The following ARFIP1 variants were observed in gnomAD, a reference collection of about 807,000 sequenced individuals.
The protein encoded by ARFIP1 is ARF interacting protein 1, also known as arfaptin-1.
In ARFIP1, 24 loss-of-function variants were observed where a neutral mutation model predicts 42.5. The observed-to-expected ratio is 0.57, with a 90% CI of 0.41 to 0.80. ARFIP1 has a LOEUF of 0.80. ARFIP1 is among the 30% of genes least tolerant of loss of function. The pLI is 0.00. For synonymous variants in ARFIP1, 141 were observed against 153.7 expected (o/e 0.92, Z 0.61); for missense variants, 354 against 434.0 (o/e 0.82, Z 1.64).
At position 152,846,011 on chromosome 4, in the gene ARFIP1, C is replaced by T. The variant is rs115907313; in HGVS notation, c.93+16285C>T. Among the ~76,000 whole-genome samples the T allele has an allele frequency of 3.5e-3, 531 of 152,224 alleles. 4 individuals carry two copies. Among genetic ancestry groups the T allele is most frequent in the Admixed American group, 6.6e-3 (101 of 15,300 alleles). Reference sequence around the variant, plus strand: ...TATACATCATTAAATACTGTGCAGCCATAAAAAAGAACAACATTATGTCTT... The same window carrying T: ...TATACATCATTAAATACTGTGCAGCTATAAAAAAGAACAACATTATGTCTT... On this transcript the variant is annotated intron_variant, in intron 2 of 8. Coordinates refer to ENST00000353617, the MANE Select transcript of ARFIP1 (RefSeq NM_001025595.3).
intron 2 of ARFIP1, among the ~76,000 whole-genome samples, chr4:152,859,606 C>G (rs1486221569): frequency 6.6e-6 from 1 of 152,088 alleles, no homozygotes; most frequent in Non-Finnish European, 1.5e-5. Flanking sequence ...GAAAACATTC[C>G]TATCCCTACT....
rs565867958 is a variant in ARFIP1 at position 152,879,176 on chromosome 4, CTT to C, written c.412-1784_412-1783del. On this transcript the variant is annotated intron_variant, in intron 5 of 8. Transcript: ENST00000353617. ...TTCTCTACTTTTAAAAAATAACACT[CTT>C]TTGTTAAAAAAAAAAAAAGTTTATA... Among the ~76,000 whole-genome samples, 385 of 149,514 alleles carry C rather than the reference CTT, an allele frequency of 2.6e-3. 1 individual carries two copies. The highest frequency in any genetic ancestry group is 9.1e-3 in the African/African-American group (370 of 40,458).
Position 152,851,909 on chromosome 4 carries a change from T to C in ARFIP1, c.94-11697T>C, listed in dbSNP as rs1329848482. Among the ~76,000 whole-genome samples, 3 of 152,348 alleles carry C rather than the reference T, an allele frequency of 2.0e-5. No individual in the cohort carries two copies. In the East Asian group the frequency reaches 5.8e-4, roughly 29 times the overall value. ...TATTAAAATATGCAAAATGGAGACG[T>C]TATTTTTCACAGCTTTATGAAAGCT... On this transcript the variant is annotated intron_variant, in intron 2 of 8. Transcript: ENST00000353617.
At chr4:152,861,633 T>G (rs2149875042) in intron 2 of ARFIP1, among the ~76,000 whole-genome samples, 1 of 152,320 alleles carries the variant, frequency 6.6e-6, no homozygotes, top group South Asian at 2.1e-4. Flanking sequence ...TCCTACAATA[T>G]TTTTACTTCA....
chr4:152,797,050 A>G (rs950298623), intron 1 of ARFIP1, among the ~76,000 whole-genome samples: 1 of 152,154 alleles, frequency 6.6e-6, no homozygotes. Flanking sequence ...TCCTTTCCCT[A>G]TACCAACTTT....
chr4:152,848,665 A>T (rs6854534), intron 2 of ARFIP1, among the ~76,000 whole-genome samples: 6,498 of 152,250 alleles, frequency 0.043, 173 homozygotes, highest in South Asian at 0.11. Context: ...GTTGTAACTT[A>T]TTTATCTCCT....
At chr4:152,829,555 A>G (rs759038565) in intron 1 of ARFIP1, 70 bp from the exon 2 acceptor site, 7 of 972,680 alleles carry the variant, frequency 7.2e-6, no homozygotes, top group Admixed American at 2.3e-5. Context: ...GCTTGTAAGT[A>G]CTATAAACAT....
intron 8 of ARFIP1, among the ~76,000 whole-genome samples, chr4:152,906,060 TTA>T (rs1011526483): frequency 6.6e-6 from 1 of 152,228 alleles, no homozygotes; most frequent in African/African-American, 2.4e-5. Flanking sequence ...AGATTTTCTC[TTA>T]TGTTTTTTTC....
At chr4:152,818,738 C>T (rs796972881) in intron 1 of ARFIP1, among the ~76,000 whole-genome samples, 8 of 152,258 alleles carry the variant, frequency 5.3e-5, no homozygotes, top group African/African-American at 1.9e-4. Flanking sequence ...GCAGTTTTGC[C>T]TTCCAAATGT....
chr4:152,811,968 A>G (rs567972448), intron 1 of ARFIP1, among the ~76,000 whole-genome samples: 8 of 152,312 alleles, frequency 5.3e-5, no homozygotes, highest in African/African-American at 1.4e-4. Context: ...AATAGTTGCA[A>G]TGTTTGCATA....
intron 1 of ARFIP1, among the ~76,000 whole-genome samples, chr4:152,803,267 C>T (rs1037988871): frequency 1.3e-5 from 2 of 152,070 alleles, no homozygotes; most frequent in African/African-American, 4.8e-5. Flanking sequence ...CTGTTCTCCC[C>T]CAGTGCAGTT....
intron 2 of ARFIP1, among the ~76,000 whole-genome samples, chr4:152,849,578 A>G (rs111671020): frequency 6.8e-4 from 104 of 152,292 alleles, no homozygotes; most frequent in African/African-American, 2.4e-3. Context: ...TAGGCAGTGA[A>G]CCACCAAAAG....
At chr4:152,898,979 A>G (rs899744615) in intron 8 of ARFIP1, among the ~76,000 whole-genome samples, 1 of 152,136 alleles carries the variant, frequency 6.6e-6, no homozygotes. Flanking sequence ...ACTAGTTCCT[A>G]TTGCCCAGTG....
intron 8 of ARFIP1, among the ~76,000 whole-genome samples, chr4:152,908,351 C>T (rs1335055209): frequency 6.6e-6 from 1 of 152,134 alleles, no homozygotes; most frequent in Non-Finnish European, 1.5e-5. Context: ...TTAGGCCGGG[C>T]ACGGTGACTC....
In ARFIP1 at chr4:152,818,792, G is replaced by A. The variant is rs1355277913; in HGVS notation, c.-9-10833G>A. 2.0e-5 allele frequency among the ~76,000 whole-genome samples: 3 copies of A among 152,198 alleles called. No individual in the cohort carries two copies. In the East Asian group the frequency reaches 5.8e-4, roughly 29 times the overall value. On this transcript the variant is annotated intron_variant, in intron 1 of 8. Coordinates refer to ENST00000353617, the MANE Select transcript of ARFIP1 (RefSeq NM_001025595.3). ...GTGGCTGCTGCTAGCAGAACACTAT[G>A]GGTTGTGAGACCTGCCTTGCCAAGT...
intron 1 of ARFIP1, among the ~76,000 whole-genome samples, chr4:152,820,340 T>C (rs78355036): frequency 0.016 from 2,417 of 152,216 alleles, 62 homozygotes; most frequent in African/African-American, 0.055. Flanking sequence ...ATTTAGAAAG[T>C]GCACACTACT....
chr4:152,871,913 A>G (rs966840258), intron 4 of ARFIP1, among the ~76,000 whole-genome samples: 2 of 152,024 alleles, frequency 1.3e-5, no homozygotes, highest in Non-Finnish European at 2.9e-5. Flanking sequence ...CCAGCCTTTC[A>G]TACTAGTGAT....
chr4:152,784,957 A>G (rs1051311082), intron 1 of ARFIP1, among the ~76,000 whole-genome samples: 6 of 152,252 alleles, frequency 3.9e-5, no homozygotes, highest in African/African-American at 1.4e-4. Context: ...GGATCATAAA[A>G]GCAGCAGAGT....
At chr4:152,864,161 C>T (rs1258018658) in intron 3 of ARFIP1, among the ~76,000 whole-genome samples, 1 of 152,086 alleles carries the variant, frequency 6.6e-6, no homozygotes, top group Non-Finnish European at 1.5e-5. Context: ...CTTAATTATT[C>T]CTAAATTTCC....
Sources: allele counts gnomAD v4.1 joint callset (sites outside exome capture counted in the v4.1 genomes callset), GRCh38; gene constraint gnomAD v4.1.1; transcripts MANE v1.5; gene names NCBI Gene and HGNC (gene_info 2026-07-23, HGNC 2026-07-21).